Variants in RABAC1 observed in about 807,000 individuals in gnomAD.
RABAC1 encodes Rab acceptor 1, also known as prenylated Rab acceptor protein 1.
RABAC1 carries 16 observed loss-of-function variants against 22.9 expected under a neutral mutation model. That is an observed-to-expected ratio of 0.70 (90% CI 0.47 to 1.06). The LOEUF is 1.06. RABAC1 is among the 50% of genes least tolerant of loss of function. The pLI, the probability that RABAC1 is intolerant of heterozygous loss-of-function variation, is 0.00. For missense variants in RABAC1, 227 were observed against 246.5 expected, an observed-to-expected ratio of 0.92 and a Z score of 0.53; for synonymous variants, 139 against 107.7, an observed-to-expected ratio of 1.29 and a Z score of -1.80.
chr19:41,959,115 C>T (rs1013659315), intron 1 of RABAC1, 122 bp downstream of exon 1: 24 of 1,433,018 alleles, frequency 1.7e-5, no homozygotes, highest in African/African-American at 9.9e-5. Flanking sequence ...TAGAGGAGAC[C>T]GGGGCCAACA....
At position 41,956,764 on chromosome 19, in the gene RABAC1, CCGAGCAGCAGAGCCGTG is replaced by C; in HGVS notation, c.*65_*81del. 7.6e-7 allele frequency: 1 copy of C among 1,323,768 alleles called. No homozygotes were observed. Among genetic ancestry groups the C allele is most frequent in the South Asian group, 1.4e-5 (1 of 70,340 alleles). The allele number at this position is 1,323,768 out of a possible 1,614,324, so 82.0% of individuals were successfully genotyped here. A position where few individuals can be genotyped will look rare whatever the true frequency, so the allele number is the denominator to read the frequency against. ...CTTGTGATGGGACGGCGCTGTGGGC[CCGAGCAGCAGAGCCGTG>C]CAGGACAGGCATGGGCAGGGGTGGG... is the stretch of plus-strand genomic sequence containing the variant. On this transcript the variant is annotated 3_prime_UTR_variant, in exon 5 of 5. Coordinates refer to ENST00000222008, the MANE Select transcript of RABAC1 (RefSeq NM_006423.3).
At chr19:41,957,252 C>T (rs1354908477) in intron 3 of RABAC1, 133 bp from the exon 4 acceptor site, 2 of 714,534 alleles carry the variant, frequency 2.8e-6, no homozygotes, top group Non-Finnish European at 4.8e-6. Flanking sequence ...TGCCAAGGCC[C>T]TCCAGGTCCT....
Position 41,957,217 on chromosome 19 carries a change from C to T in RABAC1, c.368-98G>A, listed in dbSNP as rs922648171. The stretch of plus-strand genomic sequence containing the variant: ...CAACAATCCGTACAAGCTCCAGGTT[C>T]TCGGGATCGAATCCAAACTCCTCAT... On this transcript the variant is annotated intron_variant, in intron 3 of 4. Coordinates refer to ENST00000222008, the MANE Select transcript of RABAC1 (RefSeq NM_006423.3). 7 of 1,055,728 alleles carry T rather than the reference C, an allele frequency of 6.6e-6. No individual in the cohort carries two copies. The Admixed American group carries it at 6.6e-5, about 10-fold the overall frequency. The allele number at this position is 1,055,728 out of a possible 1,614,324, so 65.4% of individuals were successfully genotyped here.
chr19:41,959,159 C>CGAGGGAG (rs1314039192), intron 1 of RABAC1, 78 bp downstream of exon 1: 70 of 1,583,812 alleles, frequency 4.4e-5, no homozygotes, highest in African/African-American at 1.5e-4. Context: ...TCCAGGCTCT[C>CGAGGGAG]GAGGGAGGAG....
chr19:41,956,777 C>G lies in RABAC1; in HGVS notation c.*69G>C, dbSNP rs2074991395. 2 of 1,406,642 alleles carry G rather than the reference C, an allele frequency of 1.4e-6. No homozygotes were observed. Among genetic ancestry groups the G allele is most frequent in the Non-Finnish European group, 1.9e-6 (2 of 1,031,822 alleles). 87.1% of individuals were successfully genotyped at this position (1,406,642 alleles called of 1,614,324 possible). Reference sequence around the variant, plus strand: ...GGCGCTGTGGGCCCGAGCAGCAGAGCCGTGCAGGACAGGCATGGGCAGGGG... The same window carrying G: ...GGCGCTGTGGGCCCGAGCAGCAGAGGCGTGCAGGACAGGCATGGGCAGGGG... On this transcript the variant is annotated 3_prime_UTR_variant, in exon 5 of 5. Coordinates refer to ENST00000222008, the MANE Select transcript of RABAC1 (RefSeq NM_006423.3).
rs1409800220 is a variant in RABAC1, at chr19:41,958,619, AGAGGGCCCTGGGCGGTGAGAG to A, written c.269+96_269+116del. 4.2e-6 allele frequency: 5 copies of A among 1,180,312 alleles called. No homozygotes were observed. The African/African-American group carries it at 7.7e-5, about 18-fold the overall frequency. 73.1% of individuals were successfully genotyped at this position (1,180,312 alleles called of 1,614,324 possible). A position where few individuals can be genotyped will look rare whatever the true frequency, so the allele number is the denominator to read the frequency against. On this transcript the variant is annotated intron_variant, in intron 2 of 4. Coordinates refer to ENST00000222008, the MANE Select transcript of RABAC1 (RefSeq NM_006423.3). ...TGGGGGCGGGGCCTGGGCGGTGAGAAGAGGGCCCTGGGCGGTGAGAGGAGGGACCGGGCGGTGAAGGGCGGG... is the reference window on the plus strand; with the variant it reads ...TGGGGGCGGGGCCTGGGCGGTGAGAAGAGGGACCGGGCGGTGAAGGGCGGG...
At chr19:41,958,462 C>A (rs1344518912) in intron 2 of RABAC1, 79 bp from the exon 3 acceptor site, 21 of 1,380,340 alleles carry the variant, frequency 1.5e-5, no homozygotes, top group Non-Finnish European at 2.1e-5. Context: ...TCTCCACCGG[C>A]GGGCGGCAAG....
chr19:41,958,896 G>A lies in RABAC1; in HGVS notation c.109C>T (p.Arg37Trp), dbSNP rs372724999. 5 of 1,592,374 alleles carry A rather than the reference G, an allele frequency of 3.1e-6. No homozygotes were observed. The highest frequency in any genetic ancestry group is 2.7e-5 in the African/African-American group (2 of 74,626). Residue 37 changes from arginine to tryptophan, a missense_variant, in exon 2 of 5, where the codon CGG becomes TGG. Coordinates refer to ENST00000222008, the MANE Select transcript of RABAC1 (RefSeq NM_006423.3). Reference sequence around the variant, plus strand: ...CAGGGCCGGATGGTCGCGCGGCGCCGCTCCAGCCACTCCCGGCCTGCACCG... The same window carrying A: ...CAGGGCCGGATGGTCGCGCGGCGCCACTCCAGCCACTCCCGGCCTGCACCG... ...PSGAGREWLE[R>W]RRATIRPWST... is the part of the protein sequence containing the mutation.
In RABAC1 at chr19:41,956,914, C is replaced by T. The variant is rs781849637; in HGVS notation, c.490G>A (p.Gly164Ser). 80 of 1,612,636 alleles carry T rather than the reference C, an allele frequency of 5.0e-5. 1 individual carries two copies. The highest frequency in any genetic ancestry group is 6.7e-5 in the East Asian group (3 of 44,874). Reference sequence around the variant, plus strand: ...ATCTGGTGGAAGGCAGCGTGGGAGCCGATGACCACCAGGGTGGCTCCTGCA... The same window carrying T: ...ATCTGGTGGAAGGCAGCGTGGGAGCTGATGACCACCAGGGTGGCTCCTGCA... ...WVLGATLVVI[G>S]SHAAFHQIEA... Residue 164 changes from glycine (G) to serine (S), a missense_variant, in exon 5 of 5, where the codon GGC becomes AGC. Transcript: ENST00000222008.
At chr19:41,959,125 A>T in intron 1 of RABAC1, 112 bp downstream of exon 1, 1 of 1,480,426 alleles carries the variant, frequency 6.8e-7, no homozygotes, top group East Asian at 2.4e-5. Flanking sequence ...CGGGGCCAAC[A>T]CTTCTGCGGC....
At position 41,956,700 on chromosome 19, in the gene RABAC1, A is replaced by G. The variant is rs113381110; in HGVS notation, c.*146T>C. 3,291 of 686,704 alleles carry G rather than the reference A, an allele frequency of 4.8e-3. 44 individuals are homozygous for G. Among genetic ancestry groups the G allele is most frequent in the African/African-American group, 0.04 (2,195 of 55,284 alleles). The allele number at this position is 686,704 out of a possible 1,614,324, so 42.5% of individuals were successfully genotyped here. On this transcript the variant is annotated 3_prime_UTR_variant, in exon 5 of 5. Transcript: ENST00000222008. ...GGGGAATATTTCCTGAATGACACCC[A>G]TAACAGCTTTATTTTCAAAGGCGGG...
intron 2 of RABAC1, 68 bp downstream of exon 2, chr19:41,958,668 C>A: frequency 2.0e-6 from 3 of 1,512,986 alleles, no homozygotes; most frequent in Non-Finnish European, 9.0e-7. Flanking sequence ...AGGGCGGGGC[C>A]TGAGCGGCGA....
rs781914713 is a variant in RABAC1 at position 41,958,725 on chromosome 19, G to T, written c.269+11C>A. On this transcript the variant is annotated intron_variant, in intron 2 of 4. Coordinates refer to ENST00000222008, the MANE Select transcript of RABAC1 (RefSeq NM_006423.3). ...GGGCTAGTGCGGGTGCGGGGCCCGGGAGGCACTCACACACAGTACAGGATG... is the reference window on the plus strand; with the variant it reads ...GGGCTAGTGCGGGTGCGGGGCCCGGTAGGCACTCACACACAGTACAGGATG... 6.2e-7 allele frequency: 1 copy of T among 1,608,968 alleles called. No individual in the cohort carries two copies. The highest frequency in any genetic ancestry group is 1.1e-5 in the South Asian group (1 of 90,700).
At chr19:41,958,226 G>A in intron 3 of RABAC1, 60 bp downstream of exon 3, 1 of 1,491,958 alleles carries the variant, frequency 6.7e-7, no homozygotes, top group Non-Finnish European at 9.2e-7. Context: ...AGGTCTGTCT[G>A]CATTCCAAAA....
rs1555856992 is a variant in RABAC1 at position 41,958,305 on chromosome 19, C to T, written c.348G>A (p.Glu116=). The T allele has an allele frequency of 1.2e-6, 2 of 1,613,050 alleles. No individual in the cohort carries two copies. Among genetic ancestry groups the T allele is most frequent in the African/African-American group, 2.7e-5 (2 of 75,056 alleles). The change falls in exon 3 of 5, where the codon GAG becomes GAA. Residue 116 remains glutamate (E), a synonymous_variant. Coordinates refer to ENST00000222008, the MANE Select transcript of RABAC1 (RefSeq NM_006423.3). ...ACYILYLRTL[E]SKLVLFGREV... The stretch of plus-strand genomic sequence containing the variant: ...TCTCACCAAAGAGCACAAGCTTGGA[C>T]TCCAAGGTGCGCAGATAGAGAATGT...
At position 41,957,106 on chromosome 19, in the gene RABAC1, G is replaced by A; in HGVS notation, c.381C>T (p.Ser127=). The change falls in exon 4 of 5, where the codon AGC becomes AGT. Residue 127 remains serine, a synonymous_variant. Transcript: ENST00000222008. ...CAGCCAGAGCATACTGATGCGCTGGGCTCACCTCTCGGCCTGGGGGCAGAT... is the reference window on the plus strand; with the variant it reads ...CAGCCAGAGCATACTGATGCGCTGGACTCACCTCTCGGCCTGGGGGCAGAT... ...SKLVLFGREV[S]PAHQYALAGG... 3 of 1,613,620 alleles carry A rather than the reference G, an allele frequency of 1.9e-6. No individual in the cohort carries two copies. The highest frequency in any genetic ancestry group is 2.5e-6 in the Non-Finnish European group (3 of 1,179,908).
In RABAC1 at chr19:41,958,916, G is replaced by A; in HGVS notation, c.89C>T (p.Ala30Val). 1 of 1,591,092 alleles carries A rather than the reference G, an allele frequency of 6.3e-7. No individual in the cohort carries two copies. Among genetic ancestry groups the A allele is most frequent in the South Asian group, 1.1e-5 (1 of 89,294 alleles). ...GCGCCGCTCCAGCCACTCCCGGCCT[G>A]CACCGGAGGGAATCAGCTTCGGCAG... is the stretch of plus-strand genomic sequence containing the variant. ...TLLPKLIPSG[A>V]GREWLERRRA... Residue 30 changes from alanine to valine, a missense_variant, in exon 2 of 5, where the codon GCA becomes GTA. Physicochemically the swap from Ala to Val is moderately conservative, Grantham distance 64 (BLOSUM62 0). Coordinates refer to ENST00000222008, the MANE Select transcript of RABAC1 (RefSeq NM_006423.3).
At position 41,956,917 on chromosome 19, in the gene RABAC1, T is replaced by G; in HGVS notation, c.487A>C (p.Ile163Leu). ...FWVLGATLVV[I>L]GSHAAFHQIE... Reference sequence around the variant, plus strand: ...TGGTGGAAGGCAGCGTGGGAGCCGATGACCACCAGGGTGGCTCCTGCAGGA... The same window carrying G: ...TGGTGGAAGGCAGCGTGGGAGCCGAGGACCACCAGGGTGGCTCCTGCAGGA... The change falls in exon 5 of 5, where the codon ATC (isoleucine) becomes CTC (leucine). Residue 163 changes from isoleucine (I) to leucine (L), a missense_variant. Physicochemically the swap from Ile to Leu is conservative, Grantham distance 5 (BLOSUM62 2). Coordinates refer to ENST00000222008, the MANE Select transcript of RABAC1 (RefSeq NM_006423.3). 1.9e-6 allele frequency: 3 copies of G among 1,612,858 alleles called. No homozygotes were observed. Among genetic ancestry groups the G allele is most frequent in the Non-Finnish European group, 1.7e-6 (2 of 1,179,488 alleles).
In RABAC1 at chr19:41,958,403, AG is replaced by A. The variant is rs781992837; in HGVS notation, c.270-21del. ...GTCACCCTGGAGGAGGAGTGCAGGG[AG>A]GCAGCGGTTAGACAGCTGGGGCTGG... On this transcript the variant is annotated intron_variant, in intron 2 of 4. Transcript: ENST00000222008. The A allele has an allele frequency of 1.9e-6, 3 of 1,605,376 alleles. No homozygotes were observed. Among genetic ancestry groups the A allele is most frequent in the Non-Finnish European group, 8.5e-7 (1 of 1,174,276 alleles).
Sources: gnomAD v4.1 joint callset for allele counts on GRCh38, gnomAD v4.1.1 for gene constraint, MANE v1.5 for transcripts, NCBI Gene and HGNC (gene_info 2026-07-23, HGNC 2026-07-21) for gene names.